CECR2: variants seen among roughly 807,000 people sequenced by gnomAD.
CECR2 encodes the protein chromatin remodeling regulator CECR2.
Under a neutral mutation model 154.5 loss-of-function variants are expected in CECR2, and 30 were observed. The observed-to-expected ratio is 0.19, with a 90% confidence interval of 0.15 to 0.26. The LOEUF (loss-of-function observed/expected upper bound fraction) is 0.26, where lower values mean the gene tolerates loss of function less well. Ranked by LOEUF, CECR2 falls within the 10% of genes least tolerant of loss-of-function variation. CECR2 has a pLI of 1.00. For synonymous variants in CECR2, 725 were observed against 683.7 expected, an observed-to-expected ratio of 1.06 and a Z score of -0.94; for missense variants, 1,743 against 1,829.3, an observed-to-expected ratio of 0.95 and a Z score of 0.86.
chr22:17,452,460 G>A (rs749038837), intron 1 of CECR2, among the ~76,000 whole-genome samples: 4 of 152,152 alleles, frequency 2.6e-5, no homozygotes, highest in Non-Finnish European at 4.4e-5. Flanking sequence ...ATAAGAGGGA[G>A]AATAGGGGAA....
intron 1 of CECR2, among the ~76,000 whole-genome samples, chr22:17,442,274 G>C (rs553108716): frequency 6.6e-6 from 1 of 152,268 alleles, no homozygotes; most frequent in Admixed American, 6.5e-5. Flanking sequence ...ATTAAAAAAT[G>C]CAGATCAGGC....
At chr22:17,443,555 G>T (rs546718544) in intron 1 of CECR2, among the ~76,000 whole-genome samples, 1 of 152,144 alleles carries the variant, frequency 6.6e-6, no homozygotes, top group African/African-American at 2.4e-5. Flanking sequence ...CAGAAGAAGA[G>T]ATGGAAAAAA....
At chr22:17,368,553 A>C (rs2063016718), upstream of CECR2, among the ~76,000 whole-genome samples, 1 of 152,104 alleles carries the variant, frequency 6.6e-6, no homozygotes, top group Admixed American at 6.5e-5. Context: ...TAGCATTTCT[A>C]AAGCACACAC....
At chr22:17,449,380 C>T (rs1257328077) in intron 1 of CECR2, among the ~76,000 whole-genome samples, 1 of 151,356 alleles carries the variant, frequency 6.6e-6, no homozygotes, top group Non-Finnish European at 1.5e-5. Context: ...TTCCACCTGT[C>T]TGTACTGTCT....
intron 1 of CECR2, among the ~76,000 whole-genome samples, chr22:17,455,810 C>T (rs978457814): frequency 2.0e-5 from 3 of 152,144 alleles, no homozygotes; most frequent in Non-Finnish European, 4.4e-5. Flanking sequence ...GGGGTTTCAC[C>T]ATGTTAGTCA....
In CECR2 at chr22:17,557,817, G is replaced by C. The variant is rs1325613994; in HGVS notation, c.*4977G>C. 1 of 151,968 alleles carries C rather than the reference G, an allele frequency of 6.6e-6. No homozygotes were observed. The allele number at this position is 151,968 out of a possible 1,614,324, so 9.4% of individuals were successfully genotyped here. On this transcript the variant is annotated 3_prime_UTR_variant, in exon 19 of 19. Transcript: ENST00000262608. ...CTCAGGTACCTCACTCTCCTGCCTT[G>C]TGCGTAGCTCCTGGGGCCCCGGTCA...
At position 17,549,857 on chromosome 22, in the gene CECR2, C is replaced by T. The variant is rs373310674; in HGVS notation, c.4277+293C>T. ...CCCAGGCTGGTCCTAGTCTCCTGAG[C>T]GCAAGTCATCCTCCTGCCTCAGCCT... is the stretch of plus-strand genomic sequence containing the variant. On this transcript the variant is annotated intron_variant, in intron 17 of 18. Coordinates refer to ENST00000262608, the MANE Select transcript of CECR2 (RefSeq NM_001290047.2). Among the ~76,000 whole-genome samples, 168 of 141,704 alleles carry T rather than the reference C, an allele frequency of 1.2e-3. 2 individuals carry two copies. The highest frequency in any genetic ancestry group is 2.0e-3 in the Non-Finnish European group (132 of 66,604). 93.0% of individuals were successfully genotyped at this position (141,704 alleles called of 152,430 possible). A position where few individuals can be genotyped will look rare whatever the true frequency, so the allele number is the denominator to read the frequency against.
intron 1 of CECR2, among the ~76,000 whole-genome samples, chr22:17,414,067 G>A (rs914737296): frequency 6.8e-6 from 1 of 147,206 alleles, no homozygotes; most frequent in Non-Finnish European, 1.5e-5. Flanking sequence ...CCGCCTCCCA[G>A]GTTCACGCCA....
At position 17,505,085 on chromosome 22, in the gene CECR2, A is replaced by G. The variant is rs527671438; in HGVS notation, c.870+69A>G. 1.4e-5 allele frequency: 20 copies of G among 1,455,520 alleles called. No individual in the cohort carries two copies. The East Asian group carries it at 1.4e-4, about 10-fold the overall frequency. The allele number at this position is 1,455,520 out of a possible 1,614,324, so 90.2% of individuals were successfully genotyped here. On this transcript the variant is annotated intron_variant, in intron 7 of 18. Coordinates refer to ENST00000262608, the MANE Select transcript of CECR2 (RefSeq NM_001290047.2). Reference sequence around the variant, plus strand: ...ATGCTGCATTATTTAAGGATTATTCATGAGACCTTCCCCATACACCCCACT... The same window carrying G: ...ATGCTGCATTATTTAAGGATTATTCGTGAGACCTTCCCCATACACCCCACT...
chr22:17,485,942 A>G (rs910339082), intron 2 of CECR2, among the ~76,000 whole-genome samples: 2 of 152,182 alleles, frequency 1.3e-5, no homozygotes, highest in Admixed American at 6.5e-5. Flanking sequence ...GAAATCAGTT[A>G]TTTCTGTGGA....
intron 1 of CECR2, among the ~76,000 whole-genome samples, chr22:17,370,950 A>T (rs1235205403): frequency 6.6e-6 from 1 of 152,186 alleles, no homozygotes; most frequent in Non-Finnish European, 1.5e-5. Context: ...TGCGTTGGTC[A>T]GTTTTTGTTT....
intron 2 of CECR2, among the ~76,000 whole-genome samples, chr22:17,491,208 C>T (rs1307447342): frequency 3.3e-5 from 5 of 152,218 alleles, no homozygotes; most frequent in African/African-American, 1.2e-4. Flanking sequence ...GATGTGTTTT[C>T]CTTTTCTCTG....
chr22:17,372,956 G>A (rs1279474163), intron 1 of CECR2, among the ~76,000 whole-genome samples: 1 of 152,168 alleles, frequency 6.6e-6, no homozygotes, highest in African/African-American at 2.4e-5. Context: ...TCTAAGACAG[G>A]TGAAGGGCTG....
chr22:17,475,189 A>T (rs901509995), intron 1 of CECR2, among the ~76,000 whole-genome samples: 3 of 152,226 alleles, frequency 2.0e-5, no homozygotes, highest in Non-Finnish European at 4.4e-5. Flanking sequence ...ACTGCAGTAC[A>T]GTTCAGCAGA....
At chr22:17,518,722 C>A in intron 8 of CECR2, 1 of 418,522 alleles carries the variant, frequency 2.4e-6, no homozygotes, top group South Asian at 2.0e-5. Context: ...GTTGGCACAG[C>A]AGGATCCTGC....
intron 8 of CECR2, among the ~76,000 whole-genome samples, chr22:17,512,722 A>G: frequency 7.9e-6 from 1 of 126,908 alleles, no homozygotes; most frequent in African/African-American, 4.7e-5. Context: ...AAAAAAAAAA[A>G]AAGAAAGAAA....
At chr22:17,402,009 A>G (rs749102508) in intron 1 of CECR2, among the ~76,000 whole-genome samples, 4 of 152,074 alleles carry the variant, frequency 2.6e-5, no homozygotes, top group Admixed American at 6.6e-5. Context: ...TTGGAGACAG[A>G]GTCTCGCTCT....
intron 2 of CECR2, among the ~76,000 whole-genome samples, chr22:17,490,177 T>C (rs888507250): frequency 1.3e-5 from 2 of 148,278 alleles, no homozygotes; most frequent in African/African-American, 5.0e-5. Flanking sequence ...GTTTGGTCTA[T>C]TAATGAGAAG....
At chr22:17,495,435 G>T (rs898344434) in intron 2 of CECR2, among the ~76,000 whole-genome samples, 6 of 151,978 alleles carry the variant, frequency 3.9e-5, no homozygotes, top group Non-Finnish European at 5.9e-5. Context: ...CGGTCATGGT[G>T]GTGGGCATCT....
Sources: allele counts gnomAD v4.1 joint callset (sites outside exome capture counted in the v4.1 genomes callset), GRCh38; gene constraint gnomAD v4.1.1; transcripts MANE v1.5; gene names NCBI Gene and HGNC (gene_info 2026-07-23, HGNC 2026-07-21).